ADGRA3: variants seen among roughly 807,000 people sequenced by gnomAD.
The protein encoded by ADGRA3 is adhesion G protein-coupled receptor A3.
In ADGRA3, 56 loss-of-function variants were observed where a neutral mutation model predicts 119.8. The observed-to-expected ratio is 0.47, with a 90% CI of 0.38 to 0.58. The LOEUF (loss-of-function observed/expected upper bound fraction) is 0.58, where lower values mean the gene tolerates loss of function less well. ADGRA3 is among the 20% of genes least tolerant of loss of function. The probability of loss-of-function intolerance (pLI) is 0.00; values close to 1 mark genes in which losing one functional copy is unlikely to be tolerated. For missense variants in ADGRA3, 1,516 were observed against 1,649.0 expected (o/e 0.92, Z 1.40); for synonymous variants, 607 against 623.8 (o/e 0.97, Z 0.40).
intron 1 of ADGRA3, among the ~76,000 whole-genome samples, chr4:22,474,068 A>G (rs1263903682): frequency 6.6e-6 from 1 of 152,204 alleles, no homozygotes; most frequent in Non-Finnish European, 1.5e-5. Flanking sequence ...TTTCTATCAC[A>G]CATAATCAAA....
Position 22,403,349 on chromosome 4 carries a change from G to A in ADGRA3, c.2233-550C>T, listed in dbSNP as rs564947981. ...TCCCTGAAGAGGTGAAAATCACAGGGGAGACACATGTACAATCAGATCATA... is the reference window on the plus strand; with the variant it reads ...TCCCTGAAGAGGTGAAAATCACAGGAGAGACACATGTACAATCAGATCATA... On this transcript the variant is annotated intron_variant, in intron 14 of 18. Coordinates refer to ENST00000334304, the MANE Select transcript of ADGRA3 (RefSeq NM_145290.4). 5.1e-4 allele frequency among the ~76,000 whole-genome samples: 78 copies of A among 152,108 alleles called. 1 individual carries two copies. The highest frequency in any genetic ancestry group is 1.1e-3 in the Admixed American group (17 of 15,272).
At position 22,515,563 on chromosome 4, in the gene ADGRA3, C is replaced by T. The variant is rs201957689; in HGVS notation, c.222G>A (p.Leu74=). Residue 74 remains leucine, a synonymous_variant, in exon 1 of 19, where the codon CTG becomes CTA. Transcript: ENST00000334304. ...VCSSLELAQV[L]PPDTLPNRTV... is the part of the protein sequence containing the mutation. ...TGCGGTTGGGCAGAGTATCTGGGGG[C>T]AGGACCTGCGCGAGTTCCAGGCTGC... 5 of 1,604,118 alleles carry T rather than the reference C, an allele frequency of 3.1e-6. No individual in the cohort carries two copies. Among genetic ancestry groups the T allele is most frequent in the Non-Finnish European group, 4.3e-6 (5 of 1,175,548 alleles).
rs577535494 is a variant in ADGRA3, at chr4:22,397,688, T to C, written c.2481+3743A>G. ...AGGGTGGGTCTTTCCTGAGCTGTTC[T>C]TGCGAAAGTGAATAACTTTCATGAG... On this transcript the variant is annotated intron_variant, in intron 16 of 18. Transcript: ENST00000334304. Among the ~76,000 whole-genome samples the C allele has an allele frequency of 2.9e-3, 439 of 152,258 alleles. 3 individuals carry two copies. The highest frequency in any genetic ancestry group is 5.1e-3 in the Non-Finnish European group (344 of 68,036).
At chr4:22,447,349 C>T (rs1397885982) in intron 5 of ADGRA3, 91 bp downstream of exon 5, 2 of 792,790 alleles carry the variant, frequency 2.5e-6, no homozygotes, top group Admixed American at 2.7e-5. Flanking sequence ...ATTGTCCTCA[C>T]AAAGTCTCTG....
intron 1 of ADGRA3, among the ~76,000 whole-genome samples, chr4:22,486,043 T>A (rs1221522752): frequency 6.6e-6 from 1 of 152,224 alleles, no homozygotes; most frequent in Non-Finnish European, 1.5e-5. Context: ...CACTTCTGTC[T>A]CTATTGGGTT....
At position 22,515,696 on chromosome 4, in the gene ADGRA3, C is replaced by T. The variant is rs990259194; in HGVS notation, c.89G>A (p.Gly30Asp). The change falls in exon 1 of 19, where the codon GGC becomes GAC. Residue 30 changes from glycine (G) to aspartate (D), a missense_variant. This residue lies in a region of ADGRA3 where 428 missense variants were observed against 541.9 expected (regional missense o/e 0.79). Coordinates refer to ENST00000334304, the MANE Select transcript of ADGRA3 (RefSeq NM_145290.4). ...CGCCGCGGCGCCGCCGCCGCCGCCG[C>T]CTCCCAGCAGCGCGAGCAGCGCTAA... Reference protein sequence around the residue: ...SLLALLALLGGGGGGGAAALP... With the variant: ...SLLALLALLGDGGGGGAAALP... The T allele has an allele frequency of 6.4e-6, 7 of 1,089,954 alleles. No homozygotes were observed. In the African/African-American group the frequency reaches 1.0e-4, roughly 16 times the overall value. 67.5% of individuals were successfully genotyped at this position (1,089,954 alleles called of 1,614,324 possible). A position where few individuals can be genotyped will look rare whatever the true frequency, so the allele number is the denominator to read the frequency against.
intron 10 of ADGRA3, 113 bp downstream of exon 10, chr4:22,435,198 G>A: frequency 2.2e-6 from 2 of 903,260 alleles, no homozygotes; most frequent in Non-Finnish European, 3.4e-6. Flanking sequence ...TTAAAAGCAT[G>A]CTTTTAGCTC....
At chr4:22,466,418 T>G (rs1046720928) in intron 2 of ADGRA3, among the ~76,000 whole-genome samples, 3 of 152,028 alleles carry the variant, frequency 2.0e-5, no homozygotes, top group Admixed American at 2.0e-4. Context: ...GAAACTCCAT[T>G]CCTTCCTCCA....
intron 1 of ADGRA3, among the ~76,000 whole-genome samples, chr4:22,490,751 G>C (rs1718593951): frequency 6.6e-6 from 1 of 152,108 alleles, no homozygotes; most frequent in Non-Finnish European, 1.5e-5. Context: ...AAATTTAAAG[G>C]GCAGACAAAG....
chr4:22,460,963 A>T (rs574433221), intron 3 of ADGRA3, among the ~76,000 whole-genome samples: 2 of 152,360 alleles, frequency 1.3e-5, no homozygotes, highest in South Asian at 4.1e-4. Flanking sequence ...CTGCTCAGAC[A>T]GCAACTGTGA....
intron 16 of ADGRA3, among the ~76,000 whole-genome samples, chr4:22,398,420 T>C (rs1577322795): frequency 6.6e-6 from 1 of 152,096 alleles, no homozygotes; most frequent in Admixed American, 6.5e-5. Context: ...GTATGATAAG[T>C]ACATAAGAAT....
At chr4:22,452,373 G>A (rs1357191848) in intron 4 of ADGRA3, among the ~76,000 whole-genome samples, 1 of 152,076 alleles carries the variant, frequency 6.6e-6, no homozygotes, top group Non-Finnish European at 1.5e-5. Context: ...TAACAAAACT[G>A]CACCTGTACC....
intron 2 of ADGRA3, among the ~76,000 whole-genome samples, chr4:22,470,647 A>G (rs986090515): frequency 1.3e-5 from 2 of 152,128 alleles, no homozygotes; most frequent in Non-Finnish European, 2.9e-5. Context: ...TTCTGTTCTC[A>G]TCTTCAGGAC....
intron 1 of ADGRA3, among the ~76,000 whole-genome samples, chr4:22,491,826 A>G (rs1718633390): frequency 6.6e-6 from 1 of 152,208 alleles, no homozygotes; most frequent in Non-Finnish European, 1.5e-5. Flanking sequence ...TCTTAAACAA[A>G]GTCTTCCTTA....
Position 22,402,683 on chromosome 4 carries a change from G to A in ADGRA3, c.2349C>T (p.Tyr783=), listed in dbSNP as rs763080506. The stretch of plus-strand genomic sequence containing the variant: ...CGAGATGTATTTCTTACCTGTGATG[G>A]TATATGTAACTGACAATGACGGCTA... The part of the protein sequence containing the change: ...CLLAVIVSYI[Y]HHSLIRISLK... The change falls in exon 15 of 19, where the codon TAC becomes TAT. Residue 783 remains tyrosine, a synonymous_variant. Coordinates refer to ENST00000334304, the MANE Select transcript of ADGRA3 (RefSeq NM_145290.4). 6.2e-7 allele frequency: 1 copy of A among 1,613,072 alleles called. No homozygotes were observed. Among genetic ancestry groups the A allele is most frequent in the Non-Finnish European group, 8.5e-7 (1 of 1,179,564 alleles).
chr4:22,487,284 G>C (rs773765219), intron 1 of ADGRA3, among the ~76,000 whole-genome samples: 1 of 152,140 alleles, frequency 6.6e-6, no homozygotes, highest in Non-Finnish European at 1.5e-5. Flanking sequence ...TTTAGCTCCA[G>C]GAATTGGTTT....
At chr4:22,479,696 C>T (rs567733207) in intron 1 of ADGRA3, among the ~76,000 whole-genome samples, 35 of 152,204 alleles carry the variant, frequency 2.3e-4, no homozygotes, top group African/African-American at 7.2e-4. Flanking sequence ...CACATGCACA[C>T]GTATGTTTAC....
Position 22,442,798 on chromosome 4 carries a change from C to T in ADGRA3, c.772G>A (p.Asp258Asn), listed in dbSNP as rs939413784. ...PSHRQVVFEG[D>N]SLPFQCMASY... ...GCCATGCACTGGAAAGGAAGGCTGTCTCCTTCAAACACAACTTGGCGATGA... is the reference window on the plus strand; with the variant it reads ...GCCATGCACTGGAAAGGAAGGCTGTTTCCTTCAAACACAACTTGGCGATGA... Residue 258 changes from aspartate (D) to asparagine (N), a missense_variant, in exon 7 of 19, where the codon GAC becomes AAC. Asp to Asn is a conservative substitution (Grantham distance 23). Coordinates refer to ENST00000334304, the MANE Select transcript of ADGRA3 (RefSeq NM_145290.4). 29 of 1,612,254 alleles carry T rather than the reference C, an allele frequency of 1.8e-5. No individual in the cohort carries two copies. The highest frequency in any genetic ancestry group is 2.4e-5 in the Non-Finnish European group (28 of 1,178,590).
intron 14 of ADGRA3, among the ~76,000 whole-genome samples, chr4:22,404,559 A>C (rs929623196): frequency 5.3e-5 from 8 of 152,198 alleles, no homozygotes; most frequent in Non-Finnish European, 7.3e-5. Context: ...TTACTTGACA[A>C]ATATTGAGTG....
Sources: gnomAD v4.1 joint callset for allele counts (sites outside exome capture counted in the v4.1 genomes callset) on GRCh38, gnomAD v4.1.1 for gene constraint, gnomAD v4.1.1 regional missense constraint, MANE v1.5 for transcripts, NCBI Gene and HGNC (gene_info 2026-07-23, HGNC 2026-07-21) for gene names.